The following DRC12 variants were observed in gnomAD, a reference collection of about 807,000 sequenced individuals.
DRC12 encodes dynein regulatory complex subunit 12 homolog.
the DRC12 span, among the ~76,000 whole-genome samples, chr11:119,192,443 G>A: frequency 6.6e-6 from 1 of 152,122 alleles, no homozygotes; most frequent in Non-Finnish European, 1.5e-5. Flanking sequence ...CATTTATTTG[G>A]TGAACAGTTA....
chr11:119,190,417 G>A, the DRC12 span: 3 of 1,613,828 alleles, frequency 1.9e-6, no homozygotes, highest in Non-Finnish European at 2.5e-6. The surrounding 1 kb of genome is among the most constrained non-coding windows in gnomAD (Gnocchi z 4.2). Flanking sequence ...GCTGCTTGAT[G>A]GCTCTCAGCT....
At chr11:119,190,406 T>C in the DRC12 span, 1 of 1,613,986 alleles carries the variant, frequency 6.2e-7, no homozygotes, top group South Asian at 1.1e-5. This position sits in a 1 kb window ranked among gnomAD's most constrained non-coding sequence, Gnocchi z 4.2. Flanking sequence ...CCCATCCCAC[T>C]GCTGCTTGAT....
At chr11:119,194,829 C>A in the DRC12 span, 22 of 897,990 alleles carry the variant, frequency 2.4e-5, no homozygotes, top group Admixed American at 2.3e-5. Context: ...CTTAACCCCC[C>A]ACCATACCTC....
the DRC12 span, chr11:119,193,482 C>T: frequency 5.9e-6 from 7 of 1,176,640 alleles, no homozygotes; most frequent in South Asian, 3.2e-5. Flanking sequence ...CCCTTCTCCC[C>T]GCCCATGGGC....
chr11:119,190,269 A>G, the DRC12 span: 1 of 1,613,670 alleles, frequency 6.2e-7, no homozygotes, highest in Non-Finnish European at 8.5e-7. The surrounding 1 kb of genome is among the most constrained non-coding windows in gnomAD (Gnocchi z 4.2). Flanking sequence ...TTCTACATCA[A>G]GACACTTTAT....
At chr11:119,191,936 C>T in the DRC12 span, among the ~76,000 whole-genome samples, 1 of 150,786 alleles carries the variant, frequency 6.6e-6, no homozygotes, top group Non-Finnish European at 1.5e-5. Context: ...GTCTGAATGG[C>T]AGATAAGCAG....
the DRC12 span, chr11:119,190,324 C>A: frequency 1.9e-6 from 3 of 1,614,164 alleles, no homozygotes; most frequent in South Asian, 3.3e-5. The surrounding 1 kb of genome is among the most constrained non-coding windows in gnomAD (Gnocchi z 4.2). Flanking sequence ...CTGGTGGCCT[C>A]AAAGATCCAG....
At chr11:119,195,068 A>G in the DRC12 span, 1 of 1,285,206 alleles carries the variant, frequency 7.8e-7, no homozygotes, top group South Asian at 1.3e-5. Flanking sequence ...TCCTCACCCC[A>G]CACCCTGCAC....
At chr11:119,193,967 C>T in the DRC12 span, 11 of 1,419,352 alleles carry the variant, frequency 7.8e-6, no homozygotes, top group East Asian at 7.6e-5. Context: ...ACTTTGCCCA[C>T]CTCTAGAAAT....
chr11:119,190,826 C>G, the DRC12 span: 4 of 1,612,658 alleles, frequency 2.5e-6, no homozygotes, highest in Non-Finnish European at 3.4e-6. The surrounding 1 kb of genome is among the most constrained non-coding windows in gnomAD (Gnocchi z 4.2). Context: ...GCTGCAGCCT[C>G]CCTTTGGCAT....
At chr11:119,192,906 A>G in the DRC12 span, among the ~76,000 whole-genome samples, 1 of 152,094 alleles carries the variant, frequency 6.6e-6, no homozygotes, top group African/African-American at 2.4e-5. Flanking sequence ...TTGGCCTCCC[A>G]AAGTGCTGGG....
At chr11:119,193,113 T>C in the DRC12 span, 3 of 1,567,028 alleles carry the variant, frequency 1.9e-6, no homozygotes, top group South Asian at 3.3e-5. Flanking sequence ...TTGCTGCAAC[T>C]CTTGGAGAGA....
the DRC12 span, chr11:119,193,499 A>C: frequency 8.0e-7 from 1 of 1,252,206 alleles, no homozygotes. Context: ...GGGCTGATTG[A>C]GATGATGGCT....
the DRC12 span, chr11:119,194,002 TACTC>T: frequency 1.0e-6 from 1 of 993,032 alleles, no homozygotes; most frequent in African/African-American, 1.6e-5. Context: ...TCCAGCCTCT[TACTC>T]TCTCTCTGGG....
the DRC12 span, among the ~76,000 whole-genome samples, chr11:119,194,542 A>AAAAAAAAAAT: frequency 4.1e-5 from 2 of 48,214 alleles, no homozygotes; most frequent in African/African-American, 1.7e-4. Flanking sequence ...AAAAAAAAAA[A>AAAAAAAAAAT]AAATAAATAA....
chr11:119,191,440 G>T, the DRC12 span, among the ~76,000 whole-genome samples: 1 of 152,054 alleles, frequency 6.6e-6, no homozygotes, highest in Non-Finnish European at 1.5e-5. Context: ...TCCCTCAGGG[G>T]CATGCTGTGA....
the DRC12 span, chr11:119,193,197 G>T: frequency 6.2e-7 from 1 of 1,614,150 alleles, no homozygotes; most frequent in South Asian, 1.1e-5. Context: ...GCTGCTTGCT[G>T]CGGGTTTGCA....
the DRC12 span, among the ~76,000 whole-genome samples, chr11:119,194,541 A>AT: frequency 1.2e-4 from 8 of 66,024 alleles, no homozygotes; most frequent in African/African-American, 3.8e-4. Flanking sequence ...AAAAAAAAAA[A>AT]AAAATAAATA....
the DRC12 span, chr11:119,194,778 T>C: frequency 4.5e-6 from 2 of 442,058 alleles, no homozygotes; most frequent in Non-Finnish European, 4.1e-6. Flanking sequence ...CTGCCCACCC[T>C]CTCTCATCAT....
Sources: allele counts gnomAD v4.1 joint callset (sites outside exome capture counted in the v4.1 genomes callset), GRCh38; gene constraint gnomAD v4.1.1; non-coding constraint Gnocchi (gnomAD v3.1); transcripts MANE v1.5; gene names NCBI Gene and HGNC (gene_info 2026-07-23, HGNC 2026-07-21).